Variants in DAB1 observed in about 807,000 individuals in gnomAD.
The protein encoded by DAB1 is disabled homolog 1.
In DAB1, 15 loss-of-function variants were observed where a neutral mutation model predicts 64.6. The ratio of observed to expected loss-of-function variants is 0.23; its 90% CI spans 0.16 to 0.36. The LOEUF (loss-of-function observed/expected upper bound fraction) is 0.36. DAB1 is among the 10% of genes least tolerant of loss of function. The probability of loss-of-function intolerance (pLI) is 1.00; values close to 1 mark genes in which losing one functional copy is unlikely to be tolerated. For synonymous variants in DAB1, 235 were observed against 251.9 expected, an observed-to-expected ratio of 0.93 and a Z score of 0.64; for missense variants, 596 against 706.7, an observed-to-expected ratio of 0.84 and a Z score of 1.78.
chr1:58,273,883 G>C (rs370839068), intron 4 of DAB1, among the ~76,000 whole-genome samples: 4,841 of 100,782 alleles, frequency 0.048, 96 homozygotes, highest in African/African-American at 0.07. Context: ...GCACTTCTCT[G>C]TATTGGTTAT....
rs1329391369 is a variant in DAB1 at position 56,996,326 on chromosome 1, T to C, written c.*1818A>G. ...CACATGAATCTTTAAAGTTTTCTTC[T>C]TAGTGTTAAAACACTTTCAACATAC... is the stretch of plus-strand genomic sequence containing the variant. On this transcript the variant is annotated 3_prime_UTR_variant, in exon 15 of 15. Transcript: ENST00000371236. 4 of 152,228 alleles carry C rather than the reference T, an allele frequency of 2.6e-5. No individual in the cohort carries two copies. The highest frequency in any genetic ancestry group is 5.9e-5 in the Non-Finnish European group (4 of 68,042). The allele number at this position is 152,228 out of a possible 1,614,324, so 9.4% of individuals were successfully genotyped here. A position where few individuals can be genotyped will look rare whatever the true frequency, so the allele number is the denominator to read the frequency against.
intron 5 of DAB1, among the ~76,000 whole-genome samples, chr1:57,976,588 T>C (rs1645925530): frequency 6.6e-6 from 1 of 152,108 alleles, no homozygotes; most frequent in Non-Finnish European, 1.5e-5. Context: ...AGCAAAATAA[T>C]TTTTCTCCTT....
At chr1:57,063,527 C>T (rs1000890450) in intron 8 of DAB1, among the ~76,000 whole-genome samples, 9 of 152,088 alleles carry the variant, frequency 5.9e-5, no homozygotes, top group African/African-American at 1.7e-4. Context: ...ATCTTGAGGG[C>T]GTTTAACATT....
intron 5 of DAB1, among the ~76,000 whole-genome samples, chr1:58,061,735 A>G (rs1648515007): frequency 6.6e-6 from 1 of 151,682 alleles, no homozygotes; most frequent in Admixed American, 6.6e-5. Flanking sequence ...TTCTCAGTAG[A>G]GTGAGGGTAA....
At chr1:58,523,611 C>T (rs1007133418) in intron 2 of DAB1, among the ~76,000 whole-genome samples, 2 of 152,092 alleles carry the variant, frequency 1.3e-5, no homozygotes, top group African/African-American at 4.8e-5. Flanking sequence ...AAAGAACTGG[C>T]AGTCCTGGCC....
intron 7 of DAB1, among the ~76,000 whole-genome samples, chr1:57,561,055 C>T (rs2096084): frequency 0.026 from 3,904 of 152,204 alleles, 152 homozygotes; most frequent in African/African-American, 0.087. Context: ...TGATTGGGCT[C>T]GAGCAGGTCC....
At chr1:58,070,639 G>A (rs1276963399) in intron 5 of DAB1, among the ~76,000 whole-genome samples, 1 of 152,184 alleles carries the variant, frequency 6.6e-6, no homozygotes, top group East Asian at 1.9e-4. Context: ...GGAGGATGAA[G>A]TACATTGTGT....
intron 6 of DAB1, among the ~76,000 whole-genome samples, chr1:57,777,609 C>G (rs901646218): frequency 6.6e-6 from 1 of 151,842 alleles, no homozygotes; most frequent in Non-Finnish European, 1.5e-5. Flanking sequence ...TATTTCAACT[C>G]TAGAAGTTTT....
intron 6 of DAB1, among the ~76,000 whole-genome samples, chr1:57,754,965 A>G (rs1050712120): frequency 5.3e-5 from 8 of 152,148 alleles, no homozygotes; most frequent in African/African-American, 1.9e-4. Context: ...AAGTTTTCCA[A>G]AACTCAGTTC....
At chr1:58,512,842 T>C (rs1646101793) in intron 2 of DAB1, among the ~76,000 whole-genome samples, 3 of 152,204 alleles carry the variant, frequency 2.0e-5, no homozygotes, top group Admixed American at 6.5e-5. Flanking sequence ...CATGTGCCTA[T>C]AGTTAAGTAT....
chr1:57,980,411 C>T (rs1377400300), intron 5 of DAB1, among the ~76,000 whole-genome samples: 1 of 152,142 alleles, frequency 6.6e-6, no homozygotes, highest in East Asian at 1.9e-4. Flanking sequence ...TCCCCATCTC[C>T]CAACAATTGG....
intron 3 of DAB1, among the ~76,000 whole-genome samples, chr1:58,386,050 C>T (rs913659136): frequency 6.6e-5 from 10 of 152,018 alleles, no homozygotes; most frequent in Admixed American, 2.0e-4. Flanking sequence ...TATCTAAGAG[C>T]GTTTTCGTAT....
intron 3 of DAB1, chr1:58,468,037 GC>G (rs1645313740): frequency 6.6e-6 from 1 of 152,266 alleles, no homozygotes. Flanking sequence ...TGATTCTTCT[GC>G]CTTAGCCTCC....
intron 5 of DAB1, among the ~76,000 whole-genome samples, chr1:58,030,240 C>T (rs1216452619): frequency 6.6e-6 from 1 of 151,974 alleles, no homozygotes; most frequent in Non-Finnish European, 1.5e-5. Context: ...ATGAATCAAA[C>T]TGTGTGCATA....
intron 4 of DAB1, among the ~76,000 whole-genome samples, chr1:58,193,335 C>T (rs1358451325): frequency 6.6e-6 from 1 of 152,198 alleles, no homozygotes; most frequent in Non-Finnish European, 1.5e-5. Context: ...GTGGCCCTCA[C>T]CTGAAGCAGA....
chr1:58,345,996 G>T (rs1311958275), intron 3 of DAB1, among the ~76,000 whole-genome samples: 1 of 152,180 alleles, frequency 6.6e-6, no homozygotes, highest in Non-Finnish European at 1.5e-5. Context: ...ACACTGAGGA[G>T]AAATGGGCCT....
At chr1:57,769,793 G>T (rs577293682) in intron 6 of DAB1, among the ~76,000 whole-genome samples, 1 of 152,150 alleles carries the variant, frequency 6.6e-6, no homozygotes, top group African/African-American at 2.4e-5. Flanking sequence ...TTTTAGAACG[G>T]CCTTTTGCTT....
chr1:57,424,157 CCCCCGCGCCCGCCCGGCG>C (rs1685159733), upstream of DAB1: 1 of 148,944 alleles, frequency 6.7e-6, no homozygotes, highest in Non-Finnish European at 1.5e-5. Context: ...GCCCCGCCGC[CCCCCGCGCCCGCCCGGCG>C]CCCCGCGGCA....
At chr1:58,536,532 G>A (rs561716206) in intron 1 of DAB1, 12 of 872,522 alleles carry the variant, frequency 1.4e-5, no homozygotes, top group Non-Finnish European at 1.8e-5. Flanking sequence ...TTCCAGTTCC[G>A]ATAAAAGTCT....
Sources: gnomAD v4.1 joint callset for allele counts (sites outside exome capture counted in the v4.1 genomes callset) on GRCh38, gnomAD v4.1.1 for gene constraint, MANE v1.5 for transcripts, NCBI Gene and HGNC (gene_info 2026-07-23, HGNC 2026-07-21) for gene names.